IQCM: variants seen among roughly 807,000 people sequenced by gnomAD.
The protein encoded by IQCM is IQ motif containing M, also known as IQ domain-containing protein M.
A neutral mutation model predicts 57.6 loss-of-function variants in IQCM; 45 were observed. That is an observed-to-expected ratio of 0.78 (90% CI 0.62 to 1.00). IQCM has a LOEUF of 1.00. Ranked by LOEUF, IQCM falls within the 50% of genes least tolerant of loss-of-function variation. The pLI, the probability that IQCM is intolerant of heterozygous loss-of-function variation, is 0.00. For synonymous variants in IQCM, 148 were observed against 158.9 expected, an observed-to-expected ratio of 0.93 and a Z score of 0.51; for missense variants, 468 against 511.6, an observed-to-expected ratio of 0.91 and a Z score of 0.82.
chr4:149,521,855 T>C (rs1202379159), intron 12 of IQCM, among the ~76,000 whole-genome samples: 1 of 152,150 alleles, frequency 6.6e-6, no homozygotes, highest in Non-Finnish European at 1.5e-5. Context: ...AAGATGGGCC[T>C]GGAGAGCATG....
intron 5 of IQCM, among the ~76,000 whole-genome samples, chr4:149,729,294 A>G (rs553912548): frequency 1.6e-4 from 24 of 152,200 alleles, no homozygotes; most frequent in South Asian, 8.3e-4. Flanking sequence ...TGTGTCAACC[A>G]CTTCCTGATA....
At chr4:149,660,094 C>A (rs948384161) in intron 7 of IQCM, among the ~76,000 whole-genome samples, 11 of 151,166 alleles carry the variant, frequency 7.3e-5, no homozygotes, top group Non-Finnish European at 1.3e-4. Flanking sequence ...TGACAAAGGG[C>A]TAATATCCAG....
intron 12 of IQCM, among the ~76,000 whole-genome samples, chr4:149,546,972 T>C (rs993475741): frequency 6.6e-6 from 1 of 152,232 alleles, no homozygotes; most frequent in African/African-American, 2.4e-5. Flanking sequence ...TTTAAGTCTT[T>C]AATCCATCTT....
At chr4:149,751,916 AAAG>A (rs968985008) in intron 2 of IQCM, among the ~76,000 whole-genome samples, 33 of 152,330 alleles carry the variant, frequency 2.2e-4, no homozygotes, top group African/African-American at 7.2e-4. Flanking sequence ...CAACATCATC[AAAG>A]AAGAAAAGAA....
At chr4:149,366,035 G>A (rs923220600) in intron 13 of IQCM, among the ~76,000 whole-genome samples, 8 of 152,166 alleles carry the variant, frequency 5.3e-5, no homozygotes, top group African/African-American at 1.4e-4. Context: ...GATGTTAATA[G>A]GAGAAGTAGG....
At chr4:149,522,909 T>A (rs1037140621) in intron 12 of IQCM, among the ~76,000 whole-genome samples, 7 of 152,068 alleles carry the variant, frequency 4.6e-5, no homozygotes, top group Non-Finnish European at 8.8e-5. Flanking sequence ...AAAGAAAAAA[T>A]TTGTACATGA....
intron 12 of IQCM, among the ~76,000 whole-genome samples, chr4:149,491,576 C>A (rs1742101256): frequency 6.6e-6 from 1 of 151,952 alleles, no homozygotes; most frequent in Non-Finnish European, 1.5e-5. Flanking sequence ...ATGTTTTTTG[C>A]AAATGGAAGG....
At chr4:149,631,764 C>G (rs557308254) in intron 7 of IQCM, among the ~76,000 whole-genome samples, 2 of 152,220 alleles carry the variant, frequency 1.3e-5, no homozygotes, top group East Asian at 3.9e-4. Context: ...CATACTGCCA[C>G]CTCTTAAGGA....
At chr4:149,582,108 T>C (rs1752241063) in intron 9 of IQCM, among the ~76,000 whole-genome samples, 1 of 150,300 alleles carries the variant, frequency 6.7e-6, no homozygotes, top group Non-Finnish European at 1.5e-5. Flanking sequence ...TGGAGAAAAA[T>C]TCTATAGAAG....
chr4:149,505,129 G>A (rs1016304636), intron 12 of IQCM, among the ~76,000 whole-genome samples: 1 of 152,020 alleles, frequency 6.6e-6, no homozygotes, highest in Non-Finnish European at 1.5e-5. Flanking sequence ...GTTACACATG[G>A]CAGCTCAGAT....
chr4:149,619,107 GATATATAT>G (rs70965194), intron 8 of IQCM, among the ~76,000 whole-genome samples: 3 of 126,802 alleles, frequency 2.4e-5, no homozygotes, highest in African/African-American at 6.2e-5. Flanking sequence ...ATGTGGGATG[GATATATAT>G]ATATATATAT....
At chr4:149,482,719 G>A (rs1741042047) in intron 12 of IQCM, among the ~76,000 whole-genome samples, 1 of 151,232 alleles carries the variant, frequency 6.6e-6, no homozygotes, top group Non-Finnish European at 1.5e-5. Flanking sequence ...ATTCATCAGA[G>A]ATATTGGCCT....
intron 7 of IQCM, among the ~76,000 whole-genome samples, chr4:149,675,552 T>G (rs1332876114): frequency 3.3e-5 from 5 of 151,956 alleles, no homozygotes; most frequent in African/African-American, 4.8e-5. Flanking sequence ...GGGAGCATAA[T>G]GGATGAATTT....
At chr4:149,623,898 A>C (rs923435129) in intron 7 of IQCM, among the ~76,000 whole-genome samples, 2 of 152,200 alleles carry the variant, frequency 1.3e-5, no homozygotes, top group Non-Finnish European at 2.9e-5. Flanking sequence ...TTGGAAAGAA[A>C]CCAAAATGGT....
At chr4:149,737,403 A>G (rs1348469706) in intron 3 of IQCM, among the ~76,000 whole-genome samples, 1 of 152,226 alleles carries the variant, frequency 6.6e-6, no homozygotes, top group Admixed American at 6.5e-5. Flanking sequence ...TGATTGATGG[A>G]TGGGTATGTG....
At chr4:149,498,236 A>T (rs1742872200) in intron 12 of IQCM, among the ~76,000 whole-genome samples, 1 of 152,164 alleles carries the variant, frequency 6.6e-6, no homozygotes, top group Admixed American at 6.5e-5. Flanking sequence ...AAACCAAGTG[A>T]TGACCCAGCA....
At chr4:149,556,132 A>G (rs1749558596) in intron 10 of IQCM, among the ~76,000 whole-genome samples, 1 of 152,238 alleles carries the variant, frequency 6.6e-6, no homozygotes, top group Non-Finnish European at 1.5e-5. Context: ...GAAAAAAAGT[A>G]CAAATTTCTA....
chr4:149,534,974 T>C (rs1272892559), intron 12 of IQCM, among the ~76,000 whole-genome samples: 1 of 152,076 alleles, frequency 6.6e-6, no homozygotes, highest in African/African-American at 2.4e-5. Flanking sequence ...CCACTAATAA[T>C]TTATATCGTG....
intron 9 of IQCM, among the ~76,000 whole-genome samples, chr4:149,574,985 T>A (rs1751500282): frequency 6.6e-6 from 1 of 151,926 alleles, no homozygotes; most frequent in African/African-American, 2.4e-5. Context: ...ACCTGCATTA[T>A]TGAAAAGTAA....
Sources: gnomAD v4.1 joint callset for allele counts (sites outside exome capture counted in the v4.1 genomes callset) on GRCh38, gnomAD v4.1.1 for gene constraint, MANE v1.5 for transcripts, NCBI Gene and HGNC (gene_info 2026-07-23, HGNC 2026-07-21) for gene names.